The following SKIC3 variants were observed in gnomAD, a reference collection of about 807,000 sequenced individuals.
The protein encoded by SKIC3 is superkiller complex protein 3.
the SKIC3 span, among the ~76,000 whole-genome samples, chr5:95,489,284 A>C: frequency 6.6e-6 from 1 of 152,112 alleles, no homozygotes. Context: ...TAAAAAAAAA[A>C]ACAACTAAAA....
the SKIC3 span, among the ~76,000 whole-genome samples, chr5:95,547,398 C>T: frequency 3.3e-5 from 5 of 152,130 alleles, no homozygotes; most frequent in Non-Finnish European, 7.4e-5. Context: ...CATCCCCCTA[C>T]TCTCAACAAC....
chr5:95,497,571 A>C, the SKIC3 span: 5 of 1,050,934 alleles, frequency 4.8e-6, no homozygotes, highest in Non-Finnish European at 7.1e-6. Context: ...TATTAAGTTT[A>C]AAACTTTTCT....
At chr5:95,507,713 T>G in the SKIC3 span, among the ~76,000 whole-genome samples, 1 of 152,208 alleles carries the variant, frequency 6.6e-6, no homozygotes, top group Non-Finnish European at 1.5e-5. Context: ...TAGAGAAGCC[T>G]AAAGACAGTA....
At chr5:95,514,108 A>G in the SKIC3 span, among the ~76,000 whole-genome samples, 1 of 152,216 alleles carries the variant, frequency 6.6e-6, no homozygotes, top group African/African-American at 2.4e-5. Context: ...CCAATTAACT[A>G]GAATTAGGCC....
At chr5:95,484,723 C>G in the SKIC3 span, 1 of 1,614,034 alleles carries the variant, frequency 6.2e-7, no homozygotes, top group Non-Finnish European at 8.5e-7. Flanking sequence ...CCATAAAATA[C>G]CTTTGTGCAG....
chr5:95,526,751 CTG>C, the SKIC3 span, among the ~76,000 whole-genome samples: 1 of 152,274 alleles, frequency 6.6e-6, no homozygotes, highest in South Asian at 2.1e-4. Flanking sequence ...GCATGAGCCA[CTG>C]TGCCCAGCCT....
chr5:95,478,744 C>A, the SKIC3 span, among the ~76,000 whole-genome samples: 1 of 152,022 alleles, frequency 6.6e-6, no homozygotes, highest in African/African-American at 2.4e-5. Flanking sequence ...TCAATGTAAT[C>A]TACCACATTA....
At chr5:95,496,987 A>C in the SKIC3 span, among the ~76,000 whole-genome samples, 2 of 152,208 alleles carry the variant, frequency 1.3e-5, no homozygotes, top group African/African-American at 2.4e-5. Context: ...TCATATTTAT[A>C]ATTACATTTT....
chr5:95,518,933 TAA>T, the SKIC3 span, among the ~76,000 whole-genome samples: 6 of 152,030 alleles, frequency 3.9e-5, no homozygotes, highest in Non-Finnish European at 8.8e-5. Flanking sequence ...ATAAACCATA[TAA>T]GAGTTCTCTC....
chr5:95,496,932 CA>C, the SKIC3 span, among the ~76,000 whole-genome samples: 1 of 152,150 alleles, frequency 6.6e-6, no homozygotes, highest in South Asian at 2.1e-4. Context: ...CTGGATGCTA[CA>C]AACTAAAATA....
the SKIC3 span, among the ~76,000 whole-genome samples, chr5:95,518,011 G>A: frequency 6.6e-6 from 1 of 151,974 alleles, no homozygotes; most frequent in East Asian, 1.9e-4. Flanking sequence ...CAAGATGCCA[G>A]CACCATGCTC....
the SKIC3 span, among the ~76,000 whole-genome samples, chr5:95,533,791 C>G: frequency 1.3e-5 from 2 of 152,100 alleles, no homozygotes; most frequent in Non-Finnish European, 2.9e-5. Context: ...CTTTGTCAAC[C>G]ACTGAATTTA....
chr5:95,507,478 T>A, the SKIC3 span, among the ~76,000 whole-genome samples: 1 of 152,140 alleles, frequency 6.6e-6, no homozygotes, highest in East Asian at 1.9e-4. Context: ...TCACTAGAAG[T>A]CCCTCAAGGA....
chr5:95,523,155 A>G, the SKIC3 span: 1 of 1,611,142 alleles, frequency 6.2e-7, no homozygotes, highest in Non-Finnish European at 8.5e-7. Context: ...AATTTAAGGA[A>G]CCGTTATGCT....
the SKIC3 span, among the ~76,000 whole-genome samples, chr5:95,475,703 C>G: frequency 6.6e-6 from 1 of 152,208 alleles, no homozygotes; most frequent in East Asian, 1.9e-4. Context: ...TTTCTGGATG[C>G]TTCCAAAGAG....
At chr5:95,506,996 T>C in the SKIC3 span, 2 of 1,613,010 alleles carry the variant, frequency 1.2e-6, no homozygotes, top group Non-Finnish European at 1.7e-6. Context: ...CTGCAGTCTG[T>C]AACAACAAAA....
the SKIC3 span, among the ~76,000 whole-genome samples, chr5:95,506,223 C>T: frequency 6.6e-6 from 1 of 152,210 alleles, no homozygotes; most frequent in Non-Finnish European, 1.5e-5. Flanking sequence ...AATTCAGGTA[C>T]ACAATTATAA....
chr5:95,466,296 T>A, the SKIC3 span, among the ~76,000 whole-genome samples: 18 of 152,316 alleles, frequency 1.2e-4, no homozygotes, highest in Non-Finnish European at 2.4e-4. Context: ...AAGGCAAGAA[T>A]AAGGCAAACA....
chr5:95,553,838 C>G, the SKIC3 span, among the ~76,000 whole-genome samples: 2 of 152,234 alleles, frequency 1.3e-5, no homozygotes, highest in Non-Finnish European at 2.9e-5. Context: ...GGATTACAGG[C>G]GTGAGCCACC....
Sources: gnomAD v4.1 joint callset for allele counts (sites outside exome capture counted in the v4.1 genomes callset) on GRCh38, gnomAD v4.1.1 for gene constraint, MANE v1.5 for transcripts, NCBI Gene and HGNC (gene_info 2026-07-23, HGNC 2026-07-21) for gene names.